Variants in C10orf90 observed in about 807,000 individuals in gnomAD.
C10orf90 encodes chromosome 10 open reading frame 90, also known as (E2-independent) E3 ubiquitin-conjugating enzyme FATS.
Under a neutral mutation model 62.5 loss-of-function variants are expected in C10orf90, and 56 were observed. The observed-to-expected ratio is 0.90, with a 90% CI of 0.72 to 1.12. The LOEUF (loss-of-function observed/expected upper bound fraction) is 1.12. Among genes scored for constraint, C10orf90 ranks in the 50% most tolerant of loss-of-function variants. The pLI is 0.00. For synonymous variants in C10orf90, 386 were observed against 340.4 expected, an observed-to-expected ratio of 1.13 and a Z score of -1.47; for missense variants, 970 against 880.4, an observed-to-expected ratio of 1.10 and a Z score of -1.29.
chr10:126,585,903 G>T (rs552245451), intron 2 of C10orf90, among the ~76,000 whole-genome samples: 1 of 152,074 alleles, frequency 6.6e-6, no homozygotes, highest in Non-Finnish European at 1.5e-5. Context: ...CCTGGCCCCC[G>T]CCCCACAGAA....
intron 8 of C10orf90, among the ~76,000 whole-genome samples, chr10:126,426,365 T>A (rs1017898091): frequency 1.3e-5 from 2 of 152,230 alleles, no homozygotes; most frequent in African/African-American, 4.8e-5. Context: ...CAGTTGCTTA[T>A]TTAGAAGTCA....
At chr10:126,478,968 A>G (rs1861037186) in intron 4 of C10orf90, among the ~76,000 whole-genome samples, 1 of 152,158 alleles carries the variant, frequency 6.6e-6, no homozygotes, top group Admixed American at 6.5e-5. Context: ...TGGAACAAGC[A>G]TACTCTCTCT....
At chr10:126,553,596 C>T (rs1373553457) in intron 2 of C10orf90, among the ~76,000 whole-genome samples, 8 of 152,120 alleles carry the variant, frequency 5.3e-5, no homozygotes, top group Admixed American at 5.2e-4. Flanking sequence ...TTTAGATACA[C>T]AAATTCTTAG....
chr10:126,515,892 T>C (rs1863414710), intron 2 of C10orf90, among the ~76,000 whole-genome samples: 1 of 152,174 alleles, frequency 6.6e-6, no homozygotes, highest in South Asian at 2.1e-4. Context: ...ATGACTGCTA[T>C]TGAGTGACAG....
At chr10:126,628,923 G>A (rs1198827662) in intron 2 of C10orf90, among the ~76,000 whole-genome samples, 3 of 152,152 alleles carry the variant, frequency 2.0e-5, no homozygotes, top group Non-Finnish European at 4.4e-5. Flanking sequence ...TGCTATCATG[G>A]GTGCCCACCG....
At chr10:126,470,196 A>G (rs559859684) in intron 4 of C10orf90, 11 of 395,406 alleles carry the variant, frequency 2.8e-5, no homozygotes, top group African/African-American at 1.4e-4. Context: ...TGCATGTTGC[A>G]TGCTGCAGAG....
At chr10:126,543,039 T>C (rs2033696) in intron 2 of C10orf90, among the ~76,000 whole-genome samples, 98,949 of 152,064 alleles carry the variant, frequency 0.65, 33,170 homozygotes, top group African/African-American at 0.82. Context: ...AAGTAAACAA[T>C]GAATTGGTCT....
chr10:126,607,399 G>T (rs1845335906), intron 2 of C10orf90, among the ~76,000 whole-genome samples: 1 of 152,070 alleles, frequency 6.6e-6, no homozygotes, highest in Non-Finnish European at 1.5e-5. Context: ...ACTTTAACTT[G>T]AAAGAAATAC....
At chr10:126,651,618 A>G (rs906243487) in intron 1 of C10orf90, among the ~76,000 whole-genome samples, 11 of 152,140 alleles carry the variant, frequency 7.2e-5, no homozygotes, top group African/African-American at 2.4e-4. Context: ...AGGAACAGAA[A>G]CGTTATACAG....
intron 1 of C10orf90, among the ~76,000 whole-genome samples, chr10:126,649,476 C>G (rs115602862): frequency 2.0e-5 from 3 of 152,062 alleles, no homozygotes; most frequent in Non-Finnish European, 4.4e-5. Flanking sequence ...ATTGGTCACA[C>G]GCTCACCCAC....
At chr10:126,610,282 C>A (rs1258799406) in intron 2 of C10orf90, among the ~76,000 whole-genome samples, 1 of 152,192 alleles carries the variant, frequency 6.6e-6, no homozygotes, top group East Asian at 1.9e-4. Context: ...CCTTTATGGG[C>A]TGGCTCAGTC....
At chr10:126,509,144 A>G (rs1472088578) in intron 3 of C10orf90, among the ~76,000 whole-genome samples, 1 of 152,094 alleles carries the variant, frequency 6.6e-6, no homozygotes, top group Non-Finnish European at 1.5e-5. Flanking sequence ...GTGAGTTTTG[A>G]CTCTATCAGA....
At chr10:126,624,566 G>C (rs527955953) in intron 2 of C10orf90, among the ~76,000 whole-genome samples, 1 of 152,308 alleles carries the variant, frequency 6.6e-6, no homozygotes, top group South Asian at 2.1e-4. Context: ...AACTAAGTAG[G>C]CTTCTGGGAA....
At chr10:126,565,120 T>C (rs1844317460) in intron 2 of C10orf90, among the ~76,000 whole-genome samples, 1 of 50,064 alleles carries the variant, frequency 2.0e-5, no homozygotes, top group Non-Finnish European at 3.5e-5. Flanking sequence ...ATATATTATA[T>C]AATATATAAT....
chr10:126,668,987 T>C (rs991036020), intron 1 of C10orf90, among the ~76,000 whole-genome samples: 1 of 147,756 alleles, frequency 6.8e-6, no homozygotes, highest in Non-Finnish European at 1.5e-5. Context: ...CTACATAGGG[T>C]TTAAAATGAA....
chr10:126,481,125 C>T (rs1190512360), intron 4 of C10orf90, among the ~76,000 whole-genome samples: 2 of 152,240 alleles, frequency 1.3e-5, no homozygotes, highest in African/African-American at 2.4e-5. Context: ...TGTCACAAGA[C>T]AGGCTCCTTC....
intron 4 of C10orf90, among the ~76,000 whole-genome samples, chr10:126,490,602 C>T (rs1045876001): frequency 6.6e-6 from 1 of 151,970 alleles, no homozygotes; most frequent in African/African-American, 2.4e-5. Flanking sequence ...GAACTGTACG[C>T]TTACAACTTG....
intron 2 of C10orf90, among the ~76,000 whole-genome samples, chr10:126,579,668 A>C (rs1844705286): frequency 6.6e-6 from 1 of 152,138 alleles, no homozygotes; most frequent in Admixed American, 6.5e-5. Context: ...AAAAAACAAC[A>C]GAAGTTTTTC....
Position 126,575,593 on chromosome 10 carries a change from A to G in C10orf90, c.314-61654T>C, listed in dbSNP as rs79551632. Reference sequence around the variant, plus strand: ...AAAAAAAATCCTAAAATTTGTATAGAACCACAAAGGATTCTGAATAGCCAG... The same window carrying G: ...AAAAAAAATCCTAAAATTTGTATAGGACCACAAAGGATTCTGAATAGCCAG... On this transcript the variant is annotated intron_variant, in intron 2 of 9. Transcript: ENST00000488181. Among the ~76,000 whole-genome samples the G allele has an allele frequency of 3.3e-3, 498 of 152,196 alleles. 2 individuals are homozygous for G. The highest frequency in any genetic ancestry group is 0.012 in the African/African-American group (489 of 41,548).
Sources: allele counts gnomAD v4.1 joint callset (sites outside exome capture counted in the v4.1 genomes callset), GRCh38; gene constraint gnomAD v4.1.1; transcripts MANE v1.5; gene names NCBI Gene and HGNC (gene_info 2026-07-23, HGNC 2026-07-21).